CNTN5: variants seen among roughly 807,000 people sequenced by gnomAD.
CNTN5 encodes contactin 5.
In CNTN5, 77 loss-of-function variants were observed where a neutral mutation model predicts 129.1. The ratio of observed to expected loss-of-function variants is 0.60; its 90% CI spans 0.50 to 0.72. The LOEUF (loss-of-function observed/expected upper bound fraction) is 0.72, where lower values mean the gene tolerates loss of function less well. CNTN5 is among the 30% of genes least tolerant of loss of function. The pLI is 0.00. For synonymous variants in CNTN5, 509 were observed against 465.6 expected (o/e 1.09, Z -1.20); for missense variants, 1,478 against 1,328.8 (o/e 1.11, Z -1.75).
chr11:100,291,773 AT>A (rs1192995364), intron 18 of CNTN5, among the ~76,000 whole-genome samples: 1 of 134,412 alleles, frequency 7.4e-6, no homozygotes, highest in Non-Finnish European at 1.7e-5. Context: ...AAATAAATAA[AT>A]AAATAAATAA....
chr11:99,807,576 C>A (rs1468621581), intron 3 of CNTN5, among the ~76,000 whole-genome samples: 1 of 152,032 alleles, frequency 6.6e-6, no homozygotes, highest in Non-Finnish European at 1.5e-5. Flanking sequence ...AGTGCAGTGA[C>A]CTGATCTTGG....
chr11:99,829,190 T>C (rs1947061504), intron 4 of CNTN5, among the ~76,000 whole-genome samples: 1 of 152,180 alleles, frequency 6.6e-6, no homozygotes. Flanking sequence ...ATGATGAAAA[T>C]ACATATTCTA....
At chr11:99,720,421 T>G (rs537780579) in intron 3 of CNTN5, among the ~76,000 whole-genome samples, 2 of 150,064 alleles carry the variant, frequency 1.3e-5, no homozygotes, top group South Asian at 4.2e-4. Flanking sequence ...CATGATTATT[T>G]CAATAGATGT....
intron 15 of CNTN5, among the ~76,000 whole-genome samples, chr11:100,215,491 G>A (rs1949120066): frequency 6.6e-6 from 1 of 152,138 alleles, no homozygotes; most frequent in Non-Finnish European, 1.5e-5. Context: ...TTACCATAAA[G>A]CACAGCAACT....
intron 13 of CNTN5, among the ~76,000 whole-genome samples, chr11:100,139,850 CAAAAAAAG>C (rs1051315777): frequency 1.3e-5 from 2 of 149,436 alleles, no homozygotes; most frequent in African/African-American, 4.9e-5. Flanking sequence ...ACTCTGTGTC[CAAAAAAAG>C]AAAAAAAGAA....
intron 3 of CNTN5, among the ~76,000 whole-genome samples, chr11:99,644,379 T>C (rs1951874760): frequency 6.6e-6 from 1 of 152,200 alleles, no homozygotes; most frequent in Non-Finnish European, 1.5e-5. Flanking sequence ...CCTTGAAATG[T>C]GGAAGAATTG....
chr11:99,563,614 T>C (rs916932397), intron 3 of CNTN5, among the ~76,000 whole-genome samples: 1 of 151,506 alleles, frequency 6.6e-6, no homozygotes, highest in Non-Finnish European at 1.5e-5. Flanking sequence ...GCTCGGTGGT[T>C]CTTCTGGTCT....
chr11:99,533,625 C>A (rs947979916), intron 2 of CNTN5, among the ~76,000 whole-genome samples: 1 of 152,220 alleles, frequency 6.6e-6, no homozygotes. Flanking sequence ...TACACTTACA[C>A]TCAGGGCAGA....
intron 1 of CNTN5, among the ~76,000 whole-genome samples, chr11:99,047,702 C>T (rs1352108985): frequency 6.6e-6 from 1 of 152,046 alleles, no homozygotes; most frequent in Admixed American, 6.6e-5. Context: ...TTAATCAGAA[C>T]AGATCTTCAA....
chr11:100,001,722 T>TA (rs1328525788), intron 8 of CNTN5, among the ~76,000 whole-genome samples: 1 of 152,218 alleles, frequency 6.6e-6, no homozygotes, highest in Non-Finnish European at 1.5e-5. Context: ...TTTTCTTATT[T>TA]AAAATGGGAA....
At chr11:99,497,628 T>C (rs1301546848) in intron 2 of CNTN5, among the ~76,000 whole-genome samples, 3 of 152,150 alleles carry the variant, frequency 2.0e-5, no homozygotes, top group Non-Finnish European at 2.9e-5. Flanking sequence ...ATGACATACA[T>C]GTAGCTCAAC....
At chr11:99,728,700 G>A (rs1177440013) in intron 3 of CNTN5, among the ~76,000 whole-genome samples, 4 of 152,108 alleles carry the variant, frequency 2.6e-5, no homozygotes, top group Admixed American at 1.3e-4. Flanking sequence ...CCTAAAAGAC[G>A]GTGAGTAGTG....
chr11:100,165,200 A>G (rs920813121), intron 13 of CNTN5, among the ~76,000 whole-genome samples: 5 of 151,810 alleles, frequency 3.3e-5, no homozygotes, highest in Non-Finnish European at 7.4e-5. Flanking sequence ...TCTACTACAA[A>G]TGAATAATTA....
At chr11:99,691,453 G>GT (rs1421308180) in intron 3 of CNTN5, among the ~76,000 whole-genome samples, 1 of 151,822 alleles carries the variant, frequency 6.6e-6, no homozygotes, top group Non-Finnish European at 1.5e-5. Flanking sequence ...TTGTATCTTT[G>GT]TTTTTTATTA....
intron 1 of CNTN5, among the ~76,000 whole-genome samples, chr11:99,151,340 A>T (rs1188027694): frequency 6.6e-6 from 1 of 152,134 alleles, no homozygotes; most frequent in Non-Finnish European, 1.5e-5. Context: ...GAAAGAGTTG[A>T]GAGGATTATT....
intron 2 of CNTN5, among the ~76,000 whole-genome samples, chr11:99,352,812 T>C (rs1055289109): frequency 3.9e-5 from 6 of 152,196 alleles, no homozygotes; most frequent in African/African-American, 7.2e-5. Context: ...CGTGCTGTCC[T>C]TGGGGTCAAG....
intron 8 of CNTN5, among the ~76,000 whole-genome samples, chr11:99,994,344 AAAG>A (rs1939313309): frequency 6.6e-6 from 1 of 152,192 alleles, no homozygotes; most frequent in Non-Finnish European, 1.5e-5. Context: ...TACTTAATAA[AAAG>A]AATACTAAAG....
chr11:99,378,917 A>G (rs968397881), intron 2 of CNTN5, among the ~76,000 whole-genome samples: 10 of 152,106 alleles, frequency 6.6e-5, no homozygotes, highest in Non-Finnish European at 1.5e-4. Flanking sequence ...GAATAAATAC[A>G]TTAATGAAAC....
intron 3 of CNTN5, among the ~76,000 whole-genome samples, chr11:99,737,247 CA>C (rs1943742223): frequency 1.3e-5 from 2 of 152,152 alleles, no homozygotes; most frequent in East Asian, 1.9e-4. Flanking sequence ...ACCACCTTCT[CA>C]ATCAACTTAC....
Sources: allele counts gnomAD v4.1 joint callset (sites outside exome capture counted in the v4.1 genomes callset), GRCh38; gene constraint gnomAD v4.1.1; transcripts MANE v1.5; gene names NCBI Gene and HGNC (gene_info 2026-07-23, HGNC 2026-07-21).